Variants in TOPAZ1 observed in about 807,000 individuals in gnomAD.
TOPAZ1 encodes testis and ovary specific TOPAZ 1.
Under a neutral mutation model 172.2 loss-of-function variants are expected in TOPAZ1, and 66 were observed. That is an observed-to-expected ratio of 0.38 (90% CI 0.31 to 0.47). The LOEUF (loss-of-function observed/expected upper bound fraction) is 0.47, where lower values mean the gene tolerates loss of function less well. Among genes scored for constraint, TOPAZ1 ranks in the 20% least tolerant of loss-of-function variants. TOPAZ1 has a pLI of 0.99. For missense variants in TOPAZ1, 1,822 were observed against 1,972.4 expected (o/e 0.92, Z 1.44); for synonymous variants, 681 against 683.9 (o/e 1.00, Z 0.07).
intron 18 of TOPAZ1, among the ~76,000 whole-genome samples, chr3:44,325,224 G>A (rs541087345): frequency 2.6e-5 from 4 of 152,276 alleles, no homozygotes; most frequent in East Asian, 3.9e-4. Flanking sequence ...GTATATAATC[G>A]TGTCTAGTAG....
chr3:44,306,237 G>A, intron 14 of TOPAZ1, 89 bp from the exon 15 acceptor site: 1 of 794,380 alleles, frequency 1.3e-6, no homozygotes, highest in Non-Finnish European at 2.1e-6. Flanking sequence ...TGGTCTTTAT[G>A]GTAGTATCAA....
intron 4 of TOPAZ1, among the ~76,000 whole-genome samples, chr3:44,260,739 T>A (rs1438354040): frequency 6.6e-6 from 1 of 152,134 alleles, no homozygotes; most frequent in Non-Finnish European, 1.5e-5. Context: ...TATATACTCA[T>A]TTATATATTT....
At chr3:44,277,791 C>T (rs1699979380) in intron 8 of TOPAZ1, among the ~76,000 whole-genome samples, 1 of 152,144 alleles carries the variant, frequency 6.6e-6, no homozygotes, top group Non-Finnish European at 1.5e-5. Flanking sequence ...GCACCTTCCG[C>T]TCCACTCTCT....
At chr3:44,281,921 C>T in intron 8 of TOPAZ1, 47 bp from the exon 9 acceptor site, 1 of 1,205,200 alleles carries the variant, frequency 8.3e-7, no homozygotes, top group East Asian at 2.6e-5. Context: ...ATAGTTCTTA[C>T]AGAATATTTA....
At chr3:44,326,616 G>C (rs1186101115) in intron 18 of TOPAZ1, among the ~76,000 whole-genome samples, 1 of 152,040 alleles carries the variant, frequency 6.6e-6, no homozygotes, top group African/African-American at 2.4e-5. Context: ...TCCATCCTGT[G>C]AGTTTTCTGT....
intron 16 of TOPAZ1, among the ~76,000 whole-genome samples, chr3:44,318,843 A>G (rs1036805292): frequency 6.8e-6 from 1 of 147,692 alleles, no homozygotes; most frequent in Non-Finnish European, 1.5e-5. Flanking sequence ...AATTATATTA[A>G]ATGTATACCT....
chr3:44,269,471 C>CTTTTTTTTTTTT lies in TOPAZ1; in HGVS notation c.3246+190_3246+201dup, dbSNP rs71085612. Among the ~76,000 whole-genome samples, 88 of 33,934 alleles carry CTTTTTTTTTTTT rather than the reference C, an allele frequency of 2.6e-3. 5 individuals carry two copies. Among genetic ancestry groups the CTTTTTTTTTTTT allele is most frequent in the African/African-American group, 5.1e-3 (31 of 6,124 alleles). 22.3% of individuals were successfully genotyped at this position (33,934 alleles called of 152,430 possible). On this transcript the variant is annotated intron_variant, in intron 7 of 19. Coordinates refer to ENST00000309765, the MANE Select transcript of TOPAZ1 (RefSeq NM_001145030.2). Reference sequence around the variant, plus strand: ...CCTTTTGATTGTATTTCCCTATCATCTTTTTTTTTTTTTTTTTTTTTTTTT... The same window carrying CTTTTTTTTTTTT: ...CCTTTTGATTGTATTTCCCTATCATCTTTTTTTTTTTTTTTTTTTTTTTTTTTTTTTTTTTTT...
intron 12 of TOPAZ1, among the ~76,000 whole-genome samples, chr3:44,292,035 C>T (rs1398570914): frequency 6.6e-6 from 1 of 152,098 alleles, no homozygotes; most frequent in Non-Finnish European, 1.5e-5. Flanking sequence ...TTAACATAGG[C>T]TTATTTAACA....
At chr3:44,317,538 C>G (rs750184405) in intron 16 of TOPAZ1, among the ~76,000 whole-genome samples, 20 of 152,194 alleles carry the variant, frequency 1.3e-4, no homozygotes, top group Admixed American at 4.6e-4. Flanking sequence ...GTCTCACTGA[C>G]TAGCTTGGAA....
chr3:44,250,305 A>G (rs570813263), intron 2 of TOPAZ1, among the ~76,000 whole-genome samples: 1 of 150,926 alleles, frequency 6.6e-6, no homozygotes, highest in South Asian at 2.1e-4. Flanking sequence ...TCTCCCTTAT[A>G]TATTGAGATT....
intron 14 of TOPAZ1, 117 bp downstream of exon 14, chr3:44,305,438 T>C: frequency 1.2e-6 from 1 of 814,420 alleles, no homozygotes; most frequent in Non-Finnish European, 1.8e-6. Context: ...GGTGCGGTCA[T>C]AGCTCACCGC....
intron 3 of TOPAZ1, 61 bp downstream of exon 3, chr3:44,255,090 G>A (rs1699682151): frequency 3.3e-6 from 4 of 1,225,214 alleles, no homozygotes; most frequent in Non-Finnish European, 4.7e-6. Context: ...CTCCATTCAG[G>A]CCTAGTCAAG....
rs183211895 is a variant in TOPAZ1, at chr3:44,266,903, T to A, written c.3021-94T>A. On this transcript the variant is annotated intron_variant, in intron 5 of 19. Transcript: ENST00000309765. Reference sequence around the variant, plus strand: ...TTTGTAAAAAAATAAAAATAAAAAATTTTTTTAAAAAGAAATATCTGATAT... The same window carrying A: ...TTTGTAAAAAAATAAAAATAAAAAAATTTTTTAAAAAGAAATATCTGATAT... 3.2e-3 allele frequency: 3,132 copies of A among 981,784 alleles called. 87 individuals are homozygous for A. In the Admixed American group the frequency reaches 0.066, roughly 21 times the overall value. The allele number at this position is 981,784 out of a possible 1,614,324, so 60.8% of individuals were successfully genotyped here.
In TOPAZ1 at chr3:44,300,129, A is replaced by AAAT. The variant is rs1559542476; in HGVS notation, c.3798-3883_3798-3881dup. On this transcript the variant is annotated intron_variant, in intron 12 of 19. Transcript: ENST00000309765. ...ATAATAAAATAAATAAATAAATAAA[A>AAAT]AATAAAAAAAAAGAAAATGAGAGCT... Among the ~76,000 whole-genome samples, 606 of 150,182 alleles carry AAAT rather than the reference A, an allele frequency of 4.0e-3. 8 individuals carry two copies. The highest frequency in any genetic ancestry group is 0.014 in the African/African-American group (579 of 40,324).
chr3:44,286,461 T>C (rs1045652176), intron 9 of TOPAZ1, among the ~76,000 whole-genome samples: 1 of 152,196 alleles, frequency 6.6e-6, no homozygotes, highest in Non-Finnish European at 1.5e-5. Context: ...GGGAAAATAA[T>C]TGTAGTATAT....
chr3:44,323,200 C>A lies in TOPAZ1; in HGVS notation c.4580C>A (p.Ser1527Ter). The change falls in exon 18 of 20, where the codon TCA becomes TAA. Residue 1527 changes from serine to a stop codon, truncating the protein, a stop_gained. Coordinates refer to ENST00000309765, the MANE Select transcript of TOPAZ1 (RefSeq NM_001145030.2). LOFTEE classifies it high-confidence loss of function. ...TCCTCTGTGGCAGAATTCATGATTT[C>A]AAAGAGCATCCCTATTGATTTTTCC... is the stretch of plus-strand genomic sequence containing the variant. ...MSSSVAEFMISKSIPIDFSFL... is the reference protein window; with the variant it reads ...MSSSVAEFMI 6.4e-7 allele frequency: 1 copy of A among 1,550,418 alleles called. No individual in the cohort carries two copies. Among genetic ancestry groups the A allele is most frequent in the South Asian group, 1.2e-5 (1 of 83,986 alleles).
chr3:44,260,419 A>C (rs1699763021), intron 4 of TOPAZ1, among the ~76,000 whole-genome samples: 1 of 152,104 alleles, frequency 6.6e-6, no homozygotes, highest in Non-Finnish European at 1.5e-5. Context: ...ATTTAATCAA[A>C]TATGTCAGTT....
At chr3:44,310,732 T>G (rs1575731676) in intron 16 of TOPAZ1, among the ~76,000 whole-genome samples, 1 of 152,346 alleles carries the variant, frequency 6.6e-6, no homozygotes, top group Middle Eastern at 3.4e-3. Flanking sequence ...GAGCCCAGGC[T>G]TCAGCCGCTG....
rs985209401 is a variant in TOPAZ1, at chr3:44,294,948, A to G, written c.3797+4062A>G. On this transcript the variant is annotated intron_variant, in intron 12 of 19. Transcript: ENST00000309765. ...GTGCCTATAACTTAGGAAATTTCTTAACATTCAGTGATTATTTTAAAACTT... is the reference window on the plus strand; with the variant it reads ...GTGCCTATAACTTAGGAAATTTCTTGACATTCAGTGATTATTTTAAAACTT... Among the ~76,000 whole-genome samples, 3 of 152,246 alleles carry G rather than the reference A, an allele frequency of 2.0e-5. No homozygotes were observed. The East Asian group carries it at 5.8e-4, about 29-fold the overall frequency.
Sources: allele counts gnomAD v4.1 joint callset (sites outside exome capture counted in the v4.1 genomes callset), GRCh38; gene constraint gnomAD v4.1.1; transcripts MANE v1.5; gene names NCBI Gene and HGNC (gene_info 2026-07-23, HGNC 2026-07-21).